Variants in FAF1 observed in about 807,000 individuals in gnomAD.
The protein encoded by FAF1 is Fas associated factor 1.
Under a neutral mutation model 92.5 loss-of-function variants are expected in FAF1, and 25 were observed. The observed-to-expected ratio is 0.27, with a 90% CI of 0.20 to 0.38. The LOEUF (loss-of-function observed/expected upper bound fraction) is 0.38. Among genes scored for constraint, FAF1 ranks in the 10% least tolerant of loss-of-function variants. FAF1 has a pLI of 1.00. For synonymous variants in FAF1, 234 were observed against 273.2 expected, an observed-to-expected ratio of 0.86 and a Z score of 1.42; for missense variants, 636 against 793.3, an observed-to-expected ratio of 0.80 and a Z score of 2.38.
intron 1 of FAF1, among the ~76,000 whole-genome samples, chr1:50,866,967 C>T (rs1029731520): frequency 2.6e-5 from 4 of 152,106 alleles, no homozygotes; most frequent in Non-Finnish European, 5.9e-5. Flanking sequence ...ACCAAAACAT[C>T]ATGGTACTGG....
chr1:50,889,888 A>G (rs980356520), intron 1 of FAF1, among the ~76,000 whole-genome samples: 4 of 152,100 alleles, frequency 2.6e-5, no homozygotes, highest in African/African-American at 9.7e-5. Context: ...GGTCCGCTTG[A>G]TGCAGAGCTG....
At chr1:50,548,384 T>C (rs1406062181) in intron 13 of FAF1, among the ~76,000 whole-genome samples, 1 of 152,194 alleles carries the variant, frequency 6.6e-6, no homozygotes, top group Non-Finnish European at 1.5e-5. Flanking sequence ...CTAGGACAGC[T>C]AGTAGAAGAA....
At chr1:50,750,610 C>T (rs1175877482) in intron 4 of FAF1, among the ~76,000 whole-genome samples, 1 of 150,650 alleles carries the variant, frequency 6.6e-6, no homozygotes, top group African/African-American at 2.4e-5. Flanking sequence ...CGAGATTTAT[C>T]CTTTTTCTTT....
intron 18 of FAF1, among the ~76,000 whole-genome samples, chr1:50,442,541 A>C (rs1046982087): frequency 2.0e-5 from 3 of 152,246 alleles, no homozygotes; most frequent in African/African-American, 7.2e-5. Context: ...GGACACACAG[A>C]TAAATGGGCA....
intron 18 of FAF1, among the ~76,000 whole-genome samples, chr1:50,455,112 C>G (rs565629101): frequency 6.6e-6 from 1 of 152,346 alleles, no homozygotes; most frequent in African/African-American, 2.4e-5. Flanking sequence ...TCCAGCAGCT[C>G]CCTTGGCTCT....
At chr1:50,769,114 A>G (rs1260073163) in intron 4 of FAF1, among the ~76,000 whole-genome samples, 1 of 152,142 alleles carries the variant, frequency 6.6e-6, no homozygotes, top group Non-Finnish European at 1.5e-5. Flanking sequence ...GACAAAGGGG[A>G]CATTACCACC....
chr1:50,602,836 C>A (rs1330113071), intron 8 of FAF1, among the ~76,000 whole-genome samples: 2 of 152,058 alleles, frequency 1.3e-5, no homozygotes, highest in East Asian at 1.9e-4. Context: ...TATACATACA[C>A]CCATGAAACC....
intron 12 of FAF1, among the ~76,000 whole-genome samples, chr1:50,573,828 A>C (rs558513754): frequency 4.9e-4 from 74 of 151,578 alleles, no homozygotes; most frequent in South Asian, 6.3e-4. Context: ...AAAAAAAAAA[A>C]AAACAAAACA....
intron 7 of FAF1, among the ~76,000 whole-genome samples, chr1:50,661,726 AAC>A (rs1302380415): frequency 6.6e-6 from 1 of 152,204 alleles, no homozygotes; most frequent in Non-Finnish European, 1.5e-5. Flanking sequence ...AAGGCATACA[AAC>A]TAGGCTTAAT....
chr1:50,813,462 TA>T (rs1008765492), intron 2 of FAF1, among the ~76,000 whole-genome samples: 3 of 152,122 alleles, frequency 2.0e-5, no homozygotes, highest in African/African-American at 7.2e-5. Context: ...GCTTTCCTTT[TA>T]AAAAAATTTT....
At chr1:50,459,863 C>T (rs530939064) in intron 18 of FAF1, among the ~76,000 whole-genome samples, 86 of 152,264 alleles carry the variant, frequency 5.6e-4, no homozygotes, top group Non-Finnish European at 1.0e-3. Context: ...TTGTATAAGC[C>T]GCTTGGCAGC....
intron 9 of FAF1, 128 bp downstream of exon 9, chr1:50,595,993 A>G (rs1194118770): frequency 2.4e-5 from 15 of 636,958 alleles, no homozygotes; most frequent in Non-Finnish European, 3.9e-5. Flanking sequence ...TCAAGAATTT[A>G]CCGAGATTTA....
intron 1 of FAF1, among the ~76,000 whole-genome samples, chr1:50,938,273 C>T (rs1479715901): frequency 6.6e-6 from 1 of 152,190 alleles, no homozygotes; most frequent in Non-Finnish European, 1.5e-5. Context: ...GCAAGACAGA[C>T]GTTCCCTGGC....
At chr1:50,619,881 A>G (rs1653108160) in intron 8 of FAF1, among the ~76,000 whole-genome samples, 1 of 151,084 alleles carries the variant, frequency 6.6e-6, no homozygotes, top group East Asian at 1.9e-4. Flanking sequence ...AAAAATGCCA[A>G]TGAATAGTAG....
chr1:50,866,609 C>CA (rs1644483676), intron 1 of FAF1, among the ~76,000 whole-genome samples: 2 of 151,526 alleles, frequency 1.3e-5, no homozygotes, highest in Non-Finnish European at 2.9e-5. Flanking sequence ...AAACAAAAAA[C>CA]AAAAAACCTT....
intron 2 of FAF1, among the ~76,000 whole-genome samples, chr1:50,811,985 T>C (rs1435678000): frequency 1.3e-5 from 2 of 152,146 alleles, no homozygotes; most frequent in Non-Finnish European, 2.9e-5. Context: ...GTTCAATAAA[T>C]GGTGTTGGGG....
chr1:50,832,716 C>T (rs1644165376), intron 2 of FAF1, among the ~76,000 whole-genome samples: 1 of 152,134 alleles, frequency 6.6e-6, no homozygotes, highest in Non-Finnish European at 1.5e-5. Flanking sequence ...TGTCTTTATG[C>T]TGTTTCTGAC....
chr1:50,673,643 T>C (rs913626975), intron 7 of FAF1, among the ~76,000 whole-genome samples: 1 of 152,142 alleles, frequency 6.6e-6, no homozygotes, highest in African/African-American at 2.4e-5. Flanking sequence ...CTCTTGACAG[T>C]CATTCTTTAT....
At chr1:50,791,908 A>T (rs543080293) in intron 3 of FAF1, among the ~76,000 whole-genome samples, 18 of 152,238 alleles carry the variant, frequency 1.2e-4, no homozygotes, top group African/African-American at 4.3e-4. Context: ...TTTCAAGGAC[A>T]AGATTCAAGA....
Sources: allele counts gnomAD v4.1 joint callset (sites outside exome capture counted in the v4.1 genomes callset), GRCh38; gene constraint gnomAD v4.1.1; transcripts MANE v1.5; gene names NCBI Gene and HGNC (gene_info 2026-07-23, HGNC 2026-07-21).